Variants in NTAQ1 observed in about 807,000 individuals in gnomAD.
NTAQ1 encodes protein N-terminal glutamine amidohydrolase.
Under a neutral mutation model 28.2 loss-of-function variants are expected in NTAQ1, and 21 were observed. The observed-to-expected ratio is 0.74, with a 90% CI of 0.53 to 1.07. The LOEUF is 1.07. Ranked by LOEUF, NTAQ1 falls within the 50% of genes least tolerant of loss-of-function variation. The probability of loss-of-function intolerance (pLI) is 0.00; values close to 1 mark genes in which losing one functional copy is unlikely to be tolerated. For synonymous variants in NTAQ1, 105 were observed against 90.0 expected, an observed-to-expected ratio of 1.17 and a Z score of -0.94; for missense variants, 264 against 256.6, an observed-to-expected ratio of 1.03 and a Z score of -0.20.
rs968496715 is a variant in NTAQ1 at position 123,442,121 on chromosome 8, C to T, written c.*706C>T. The T allele has an allele frequency of 6.6e-6, 1 of 152,226 alleles. No individual in the cohort carries two copies. The highest frequency in any genetic ancestry group is 2.4e-5 in the African/African-American group (1 of 41,422). 9.4% of individuals were successfully genotyped at this position (152,226 alleles called of 1,614,324 possible). A position where few individuals can be genotyped will look rare whatever the true frequency, so the allele number is the denominator to read the frequency against. On this transcript the variant is annotated 3_prime_UTR_variant, in exon 6 of 6. Coordinates refer to ENST00000287387, the MANE Select transcript of NTAQ1 (RefSeq NM_018024.3). ...CCAGGGCTTTAAAAAATATTTATTA[C>T]ATGTGCCTTCTGGAAGACATCTTGG...
Position 123,464,204 on chromosome 8 carries a change from T to C in NTAQ1, c.373-2875T>C, listed in dbSNP as rs552731155. On this transcript the variant is annotated intron_variant, in intron 6 of 6. Coordinates refer to the NTAQ1 transcript ENST00000650311. Reference sequence around the variant, plus strand: ...GAGATGGTCTTGCAGAGTTGTTCCCTTCTGGAGCAAGGAGGCTGGGTCTTT... The same window carrying C: ...GAGATGGTCTTGCAGAGTTGTTCCCCTCTGGAGCAAGGAGGCTGGGTCTTT... Among the ~76,000 whole-genome samples the C allele has an allele frequency of 3.3e-5, 5 of 152,310 alleles. No homozygotes were observed. The East Asian group carries it at 5.8e-4, about 18-fold the overall frequency.
exon 7 of NTAQ1, among the ~76,000 whole-genome samples, chr8:123,467,482 A>G (rs1361780456): frequency 6.6e-6 from 1 of 152,222 alleles, no homozygotes; most frequent in African/African-American, 2.4e-5. Flanking sequence ...GTTTGAAATA[A>G]TTTTTAAAGT....
chr8:123,442,442 A>G (rs1815111805), downstream of NTAQ1, among the ~76,000 whole-genome samples: 1 of 151,898 alleles, frequency 6.6e-6, no homozygotes, highest in East Asian at 2.0e-4. Flanking sequence ...TACTAAAAAT[A>G]TAAAAATTAG....
At chr8:123,461,754 TGAAAG>T (rs1324596546) in intron 6 of NTAQ1, among the ~76,000 whole-genome samples, 1 of 152,044 alleles carries the variant, frequency 6.6e-6, no homozygotes, top group Admixed American at 6.6e-5. Context: ...AAGGATTTAT[TGAAAG>T]GAAAGGAGAT....
At chr8:123,470,108 G>A (rs1378105710), downstream of NTAQ1, among the ~76,000 whole-genome samples, 2 of 152,156 alleles carry the variant, frequency 1.3e-5, no homozygotes, top group African/African-American at 2.4e-5. Flanking sequence ...TGCCACATGA[G>A]GACACAGTAA....
At chr8:123,417,455 A>G (rs1465604956) in intron 1 of NTAQ1, among the ~76,000 whole-genome samples, 1 of 152,172 alleles carries the variant, frequency 6.6e-6, no homozygotes, top group South Asian at 2.1e-4. Context: ...AGATGAGAGC[A>G]CTGAAGCACA....
intron 2 of NTAQ1, 75 bp downstream of exon 2, chr8:123,428,098 AGC>A: frequency 1.5e-5 from 12 of 825,246 alleles, no homozygotes; most frequent in Non-Finnish European, 1.8e-5. Context: ...AAAAAAAAAA[AGC>A]TAAATATAGC....
exon 7 of NTAQ1, among the ~76,000 whole-genome samples, chr8:123,469,963 C>T (rs1046125020): frequency 3.9e-5 from 6 of 152,252 alleles, no homozygotes; most frequent in African/African-American, 9.6e-5. Flanking sequence ...GAAGCCTTAA[C>T]GCCCAATGTG....
exon 7 of NTAQ1, chr8:123,467,125 A>C (rs1815977669): frequency 6.6e-6 from 1 of 150,400 alleles, no homozygotes; most frequent in South Asian, 2.1e-4. Context: ...GGCTCACTGC[A>C]AGCTCCGCCT....
At chr8:123,448,465 T>C (rs1014242313), downstream of NTAQ1, among the ~76,000 whole-genome samples, 1 of 152,056 alleles carries the variant, frequency 6.6e-6, no homozygotes, top group African/African-American at 2.4e-5. Flanking sequence ...ATACAAAAAT[T>C]AGCCAGGTAT....
chr8:123,426,127 C>T (rs1814039239), intron 1 of NTAQ1, among the ~76,000 whole-genome samples: 1 of 152,170 alleles, frequency 6.6e-6, no homozygotes, highest in Non-Finnish European at 1.5e-5. Context: ...GTGTATCTTA[C>T]TAGAAAAAGA....
At chr8:123,450,746 A>C (rs1413380029), downstream of NTAQ1, among the ~76,000 whole-genome samples, 1 of 142,696 alleles carries the variant, frequency 7.0e-6, no homozygotes, top group Non-Finnish European at 1.5e-5. Flanking sequence ...GGGAAGCCTC[A>C]GGCACCACTC....
downstream of NTAQ1, among the ~76,000 whole-genome samples, chr8:123,444,537 C>T (rs1052055034): frequency 5.3e-5 from 8 of 150,340 alleles, no homozygotes; most frequent in Non-Finnish European, 3.0e-5. Context: ...GAGGGAGTCT[C>T]GCTCTATCGC....
At chr8:123,428,657 A>G (rs1814217089) in intron 2 of NTAQ1, among the ~76,000 whole-genome samples, 1 of 151,244 alleles carries the variant, frequency 6.6e-6, no homozygotes, top group Non-Finnish European at 1.5e-5. Flanking sequence ...CTATAGCACA[A>G]TGGTGTGATC....
chr8:123,449,748 C>T (rs1290017712), downstream of NTAQ1, among the ~76,000 whole-genome samples: 1 of 150,368 alleles, frequency 6.7e-6, no homozygotes, highest in Non-Finnish European at 1.5e-5. Context: ...CTAACAGGAG[C>T]TGTCAAATAG....
At chr8:123,457,995 C>T (rs1270651631) in intron 6 of NTAQ1, among the ~76,000 whole-genome samples, 3 of 143,126 alleles carry the variant, frequency 2.1e-5, no homozygotes, top group Non-Finnish European at 4.5e-5. Context: ...GATCATGCCA[C>T]TGCACTCCAA....
chr8:123,444,651 T>C (rs7844004), downstream of NTAQ1, among the ~76,000 whole-genome samples: 108,891 of 152,138 alleles, frequency 0.72, 39,302 homozygotes, highest in East Asian at 0.93. Flanking sequence ...GGACCACAGG[T>C]GCCCACCACT....
chr8:123,435,599 G>T (rs1814656575), intron 3 of NTAQ1: 2 of 903,704 alleles, frequency 2.2e-6, no homozygotes, highest in Admixed American at 6.2e-5. Flanking sequence ...CGGCACTGTG[G>T]CTCACACCTG....
At chr8:123,458,453 T>C (rs575161355) in intron 6 of NTAQ1, among the ~76,000 whole-genome samples, 21 of 152,190 alleles carry the variant, frequency 1.4e-4, no homozygotes, top group African/African-American at 4.8e-4. Flanking sequence ...GGTGAAACCA[T>C]TAAACAGCTA....
Sources: allele counts gnomAD v4.1 joint callset (sites outside exome capture counted in the v4.1 genomes callset), GRCh38; gene constraint gnomAD v4.1.1; transcripts MANE v1.5; gene names NCBI Gene and HGNC (gene_info 2026-07-23, HGNC 2026-07-21).